Variants in DOCK7 observed in about 807,000 individuals in gnomAD.
DOCK7 encodes the protein dedicator of cytokinesis protein 7.
DOCK7 carries 138 observed loss-of-function variants against 271.0 expected under a neutral mutation model. That is an observed-to-expected ratio of 0.51 (90% CI 0.44 to 0.59). DOCK7 has a LOEUF of 0.59. Ranked by LOEUF, DOCK7 falls within the 20% of genes least tolerant of loss-of-function variation. The pLI is 0.00. For missense variants in DOCK7, 2,066 were observed against 2,592.4 expected (o/e 0.80, Z 4.41); for synonymous variants, 823 against 876.1 (o/e 0.94, Z 1.07).
At chr1:62,671,278 CACAT>C (rs1347140116) in intron 1 of DOCK7, among the ~76,000 whole-genome samples, 2 of 152,174 alleles carry the variant, frequency 1.3e-5, no homozygotes, top group Admixed American at 1.3e-4. Flanking sequence ...GAGTGCCCAG[CACAT>C]ACAAAGTGCT....
chr1:62,499,993 G>C (rs1302118500), intron 37 of DOCK7, among the ~76,000 whole-genome samples: 3 of 150,610 alleles, frequency 2.0e-5, no homozygotes, highest in Non-Finnish European at 2.9e-5. Context: ...GGATCATCCA[G>C]AAAGTTTAGG....
intron 40 of DOCK7, 50 bp from the exon 41 acceptor site, chr1:62,492,897 T>C (rs762165200): frequency 1.4e-6 from 2 of 1,462,514 alleles, no homozygotes; most frequent in South Asian, 2.5e-5. Context: ...TTTTCTAGCA[T>C]AAAAATGTAT....
At position 62,457,640 on chromosome 1, in the gene DOCK7, T is replaced by A; in HGVS notation, c.6278A>T (p.Glu2093Val). The change falls in exon 49 of 50, where the codon GAA becomes GTA. Residue 2093 changes from glutamate (E) to valine (V), a missense_variant. Coordinates refer to ENST00000635253, the MANE Select transcript of DOCK7 (RefSeq NM_001367561.1). ...AAGGCGATGATAGTTTCTCTCCAGT[T>A]CCCTTTGATACTCCTTTTGATCCGG... ...IGPDQKEYQRELERNYHRLKE... is the reference protein window; with the variant it reads ...IGPDQKEYQRVLERNYHRLKE... The A allele has an allele frequency of 6.2e-7, 1 of 1,614,168 alleles. No individual in the cohort carries two copies. The highest frequency in any genetic ancestry group is 8.5e-7 in the Non-Finnish European group (1 of 1,180,030).
intron 48 of DOCK7, among the ~76,000 whole-genome samples, chr1:62,466,342 C>A (rs562415826): frequency 6.6e-6 from 1 of 152,314 alleles, no homozygotes; most frequent in Non-Finnish European, 1.5e-5. Flanking sequence ...GCTAACTCTA[C>A]TGTTTTGTAC....
At chr1:62,645,408 GT>G (rs1396126322) in intron 7 of DOCK7, among the ~76,000 whole-genome samples, 2 of 149,604 alleles carry the variant, frequency 1.3e-5, no homozygotes, top group African/African-American at 2.5e-5. Flanking sequence ...GGAAAACTAA[GT>G]TTAAAAAAAA....
At position 62,598,158 on chromosome 1, in the gene DOCK7, A is replaced by C; in HGVS notation, c.1683-11534T>G. 2.7e-6 allele frequency: 3 copies of C among 1,127,664 alleles called. No individual in the cohort carries two copies. The South Asian group carries it at 6.7e-5, about 25-fold the overall frequency. 69.9% of individuals were successfully genotyped at this position (1,127,664 alleles called of 1,614,324 possible). ...CATGCCATTTGAAATACTTTGTTGC[A>C]TTGTTGAAATACTTTTTTTTCCAAG... On this transcript the variant is annotated intron_variant, in intron 14 of 49. Coordinates refer to ENST00000635253, the MANE Select transcript of DOCK7 (RefSeq NM_001367561.1).
At chr1:62,581,377 C>T (rs568208730) in intron 16 of DOCK7, among the ~76,000 whole-genome samples, 1 of 152,140 alleles carries the variant, frequency 6.6e-6, no homozygotes, top group East Asian at 1.9e-4. Context: ...ACAAAGATGT[C>T]TTAAATTTTG....
At chr1:62,573,588 G>A (rs1646852240) in intron 18 of DOCK7, among the ~76,000 whole-genome samples, 1 of 152,054 alleles carries the variant, frequency 6.6e-6, no homozygotes, top group South Asian at 2.1e-4. Flanking sequence ...AATGCCATAA[G>A]CTTTTTGTTA....
At chr1:62,564,363 C>T (rs1210166368) in intron 18 of DOCK7, among the ~76,000 whole-genome samples, 2 of 152,142 alleles carry the variant, frequency 1.3e-5, no homozygotes, top group Non-Finnish European at 2.9e-5. Flanking sequence ...TCATAACAGT[C>T]TCTCAGACCA....
intron 11 of DOCK7, among the ~76,000 whole-genome samples, chr1:62,626,186 T>C (rs1313816142): frequency 2.6e-5 from 4 of 152,132 alleles, no homozygotes; most frequent in Non-Finnish European, 5.9e-5. Flanking sequence ...GTATTTAAGA[T>C]GTATGAAAAT....
At chr1:62,537,202 T>C (rs1645372562) in intron 28 of DOCK7, among the ~76,000 whole-genome samples, 1 of 152,232 alleles carries the variant, frequency 6.6e-6, no homozygotes, top group African/African-American at 2.4e-5. Flanking sequence ...ACTCAATTTG[T>C]GAAAACATCT....
At position 62,523,053 on chromosome 1, in the gene DOCK7, C is replaced by T. The variant is rs576706024; in HGVS notation, c.3936+5098G>A. On this transcript the variant is annotated intron_variant, in intron 31 of 49. Transcript: ENST00000635253. ...TTTATGTACTGAAAGACACTAAAGG[C>T]AGCCTAAACAATGGGGGGATTTGTG... is the stretch of plus-strand genomic sequence containing the variant. 5.3e-5 allele frequency among the ~76,000 whole-genome samples: 8 copies of T among 152,186 alleles called. No homozygotes were observed. In the East Asian group the frequency reaches 1.5e-3, roughly 29 times the overall value.
At position 62,557,182 on chromosome 1, in the gene DOCK7, G is replaced by A. The variant is rs375305781; in HGVS notation, c.2432-1193C>T. Among the ~76,000 whole-genome samples the A allele has an allele frequency of 2.0e-5, 3 of 150,882 alleles. No individual in the cohort carries two copies. The East Asian group carries it at 5.9e-4, about 30-fold the overall frequency. On this transcript the variant is annotated intron_variant, in intron 20 of 49. Transcript: ENST00000635253. ...CCCAAAGTGCTGGGATTATAGTTGT[G>A]AGCTACCACACCTGGCCAAAAGTCC...
In DOCK7 at chr1:62,454,901, GCTAT is replaced by G. The variant is rs1052994138; in HGVS notation, c.*509_*512del. 77 of 276,476 alleles carry G rather than the reference GCTAT, an allele frequency of 2.8e-4. No individual in the cohort carries two copies. Among genetic ancestry groups the G allele is most frequent in the African/African-American group, 9.0e-4 (42 of 46,504 alleles). 17.1% of individuals were successfully genotyped at this position (276,476 alleles called of 1,614,324 possible). A position where few individuals can be genotyped will look rare whatever the true frequency, so the allele number is the denominator to read the frequency against. On this transcript the variant is annotated 3_prime_UTR_variant, in exon 50 of 50. Transcript: ENST00000635253. ...CAGTTACCAAACTCATTAATTTGGG[GCTAT>G]CTATGATTTTTATTCTGCTAGGTTT... is the stretch of plus-strand genomic sequence containing the variant.
intron 16 of DOCK7, among the ~76,000 whole-genome samples, chr1:62,582,549 C>CAAAAAAAAAA (rs34110232): frequency 2.4e-4 from 4 of 16,862 alleles, no homozygotes; most frequent in Non-Finnish European, 5.2e-4. Context: ...GACTCCGTCT[C>CAAAAAAAAAA]AAAAAAAAAA....
intron 31 of DOCK7, among the ~76,000 whole-genome samples, chr1:62,526,504 A>G (rs1458831205): frequency 2.6e-5 from 4 of 152,144 alleles, no homozygotes; most frequent in African/African-American, 9.7e-5. Flanking sequence ...AGAAAAAAAA[A>G]AAGAGTTTAG....
rs143891668 is a variant in DOCK7 at position 62,638,023 on chromosome 1, A to G, written c.819-1420T>C. ...TCAACCTCTACAAAACCTACTCTGC[A>G]TCATTTTGATACTGTCGGTCCATTT... On this transcript the variant is annotated intron_variant, in intron 7 of 49. Coordinates refer to ENST00000635253, the MANE Select transcript of DOCK7 (RefSeq NM_001367561.1). Among the ~76,000 whole-genome samples, 815 of 152,298 alleles carry G rather than the reference A, an allele frequency of 5.4e-3. 12 individuals carry two copies. The highest frequency in any genetic ancestry group is 0.018 in the African/African-American group (769 of 41,574).
At chr1:62,584,618 TGACCA>T in intron 15 of DOCK7, 1 of 1,286,302 alleles carries the variant, frequency 7.8e-7, no homozygotes, top group African/African-American at 1.5e-5. Flanking sequence ...GTTCCTTTTT[TGACCA>T]TTTGACATGT....
chr1:62,673,551 GAGAAA>G (rs996610335), intron 1 of DOCK7, among the ~76,000 whole-genome samples: 35 of 152,158 alleles, frequency 2.3e-4, no homozygotes, highest in African/African-American at 6.3e-4. Context: ...TAAAAACAGA[GAGAAA>G]AGAAAAGTAT....
Sources: gnomAD v4.1 joint callset for allele counts (sites outside exome capture counted in the v4.1 genomes callset) on GRCh38, gnomAD v4.1.1 for gene constraint, MANE v1.5 for transcripts, NCBI Gene and HGNC (gene_info 2026-07-23, HGNC 2026-07-21) for gene names.